Variants in QSER1 observed in about 807,000 individuals in gnomAD.
The protein encoded by QSER1 is glutamine and serine rich 1.
QSER1 carries 49 observed loss-of-function variants against 158.5 expected under a neutral mutation model. The ratio of observed to expected loss-of-function variants is 0.31; its 90% CI spans 0.25 to 0.39. The LOEUF (loss-of-function observed/expected upper bound fraction) is 0.39, where lower values mean the gene tolerates loss of function less well. Among genes scored for constraint, QSER1 ranks in the 10% least tolerant of loss-of-function variants. QSER1 has a pLI of 1.00. For synonymous variants in QSER1, 650 were observed against 715.5 expected (o/e 0.91, Z 1.46); for missense variants, 1,754 against 2,010.3 (o/e 0.87, Z 2.44).
chr11:32,926,156 G>T (rs1485190977), intron 1 of QSER1: 3 of 151,830 alleles, frequency 2.0e-5, no homozygotes, highest in African/African-American at 7.3e-5. Flanking sequence ...AAAGGTCAAG[G>T]GATTTGGGAT....
At chr11:32,952,548 T>C (rs1176509328) in intron 4 of QSER1, among the ~76,000 whole-genome samples, 1 of 152,150 alleles carries the variant, frequency 6.6e-6, no homozygotes, top group Non-Finnish European at 1.5e-5. Flanking sequence ...TACTAAGGGA[T>C]ATTAGTCTAT....
At chr11:32,948,434 G>A (rs377075075) in intron 4 of QSER1, among the ~76,000 whole-genome samples, 14 of 152,212 alleles carry the variant, frequency 9.2e-5, no homozygotes, top group African/African-American at 2.9e-4. Context: ...CTTTTTAGCT[G>A]GGGAAACATA....
chr11:32,917,345 A>G (rs1427109297), intron 1 of QSER1, among the ~76,000 whole-genome samples: 4 of 152,168 alleles, frequency 2.6e-5, no homozygotes, highest in African/African-American at 9.7e-5. Flanking sequence ...TTGTGTGAAC[A>G]TGTTTCCATT....
intron 1 of QSER1, among the ~76,000 whole-genome samples, chr11:32,916,279 A>G (rs1189823877): frequency 6.6e-6 from 1 of 152,314 alleles, no homozygotes; most frequent in East Asian, 1.9e-4. Flanking sequence ...AATTTTTAGA[A>G]TACTCACAAG....
At chr11:32,975,064 G>T (rs1039243047) in intron 11 of QSER1, among the ~76,000 whole-genome samples, 184 bp from the exon 12 acceptor site, 1 of 151,986 alleles carries the variant, frequency 6.6e-6, no homozygotes, top group Non-Finnish European at 1.5e-5. Context: ...TAAAGAATAA[G>T]ATTTTAAAAT....
intron 1 of QSER1, among the ~76,000 whole-genome samples, chr11:32,901,813 G>A (rs1851629236): frequency 1.3e-5 from 2 of 152,234 alleles, no homozygotes; most frequent in Admixed American, 1.3e-4. Flanking sequence ...GCCAGGCGTG[G>A]TGGCTTGTGC....
chr11:32,946,191 C>T (rs964248547), intron 4 of QSER1, among the ~76,000 whole-genome samples: 4 of 151,762 alleles, frequency 2.6e-5, no homozygotes, highest in African/African-American at 9.7e-5. Context: ...AATGTCCTCC[C>T]GTAGCTCAGA....
chr11:32,972,276 G>A lies in QSER1; in HGVS notation c.5206-1121G>A, dbSNP rs554814360. Reference sequence around the variant, plus strand: ...AAATAATAAATGATGGTAGGAGCTCGATTTAATTTTTATAAAGTCATAATC... The same window carrying A: ...AAATAATAAATGATGGTAGGAGCTCAATTTAATTTTTATAAAGTCATAATC... On this transcript the variant is annotated intron_variant, in intron 10 of 12. Coordinates refer to ENST00000650167, the MANE Select transcript of QSER1 (RefSeq NM_001076786.3). Among the ~76,000 whole-genome samples the A allele has an allele frequency of 1.8e-4, 28 of 152,082 alleles. No homozygotes were observed. The South Asian group carries it at 5.6e-3, about 30-fold the overall frequency.
chr11:32,972,890 G>A (rs953220104), intron 10 of QSER1, among the ~76,000 whole-genome samples: 1 of 152,214 alleles, frequency 6.6e-6, no homozygotes, highest in Non-Finnish European at 1.5e-5. Flanking sequence ...GCACTACAGT[G>A]CCGCTTCTCC....
At chr11:32,913,385 A>G (rs4756355) in intron 1 of QSER1, among the ~76,000 whole-genome samples, 35,682 of 151,276 alleles carry the variant, frequency 0.24, 5,303 homozygotes, top group African/African-American at 0.42. Context: ...AGTAGAGACG[A>G]GGTTTCATCG....
At chr11:32,918,344 A>G (rs914987911) in intron 1 of QSER1, among the ~76,000 whole-genome samples, 3 of 152,096 alleles carry the variant, frequency 2.0e-5, no homozygotes, top group African/African-American at 7.2e-5. Context: ...TTATTAATGC[A>G]TGGAGAAAAA....
In QSER1 at chr11:32,935,883, A is replaced by T. The variant is rs912097134; in HGVS notation, c.4177+448A>T. Reference sequence around the variant, plus strand: ...TTTCAGATGAGGCAACAGGGATGTTATAGAGTTAAAATCTGAACCATTAAA... The same window carrying T: ...TTTCAGATGAGGCAACAGGGATGTTTTAGAGTTAAAATCTGAACCATTAAA... On this transcript the variant is annotated intron_variant, in intron 4 of 12. Coordinates refer to ENST00000650167, the MANE Select transcript of QSER1 (RefSeq NM_001076786.3). 9.2e-5 allele frequency among the ~76,000 whole-genome samples: 14 copies of T among 152,370 alleles called. 1 individual carries two copies. The highest frequency in any genetic ancestry group is 3.4e-4 in the African/African-American group (14 of 41,598).
chr11:32,966,197 G>GA (rs1852743439), intron 8 of QSER1, 103 bp from the exon 9 acceptor site: 2 of 1,288,902 alleles, frequency 1.6e-6, no homozygotes, highest in African/African-American at 3.0e-5. Context: ...TGAATTTGAA[G>GA]AAATTGTATC....
chr11:32,948,327 C>T lies in QSER1; in HGVS notation c.4178-5530C>T, dbSNP rs564621612. Among the ~76,000 whole-genome samples, 4 of 152,336 alleles carry T rather than the reference C, an allele frequency of 2.6e-5. No homozygotes were observed. In the South Asian group the frequency reaches 8.3e-4, roughly 32 times the overall value. ...AATTGAGTATTAAATTAAACTCACT[C>T]TTAACCTCTAGAGCAAATCACTAAC... On this transcript the variant is annotated intron_variant, in intron 4 of 12. Coordinates refer to ENST00000650167, the MANE Select transcript of QSER1 (RefSeq NM_001076786.3).
intron 4 of QSER1, among the ~76,000 whole-genome samples, chr11:32,943,512 C>T (rs1432565241): frequency 5.1e-4 from 76 of 150,250 alleles, no homozygotes; most frequent in Non-Finnish European, 7.6e-4. Flanking sequence ...TTGTCTTTGG[C>T]TCTGTTTATA....
chr11:32,935,362 T>G lies in QSER1; in HGVS notation c.4104T>G (p.Ser1368Arg), dbSNP rs541783269. ...CTGATGAAGATGATCCTGGATATAG[T>G]CAAGATGCTTATAAAAGCGTCTCTA... ...FSSDEDDPGYSQDAYKSVSTP... is the reference protein window; with the variant it reads ...FSSDEDDPGYRQDAYKSVSTP... The change falls in exon 4 of 13, where the codon AGT (serine) becomes AGG (arginine). Residue 1368 changes from serine to arginine, a missense_variant. This residue lies in a region of QSER1 where 1,707 missense variants were observed against 1,919.6 expected (regional missense o/e 0.89). Transcript: ENST00000650167. 3.5e-4 allele frequency: 556 copies of G among 1,606,350 alleles called. 9 individuals are homozygous for G. In the South Asian group the frequency reaches 5.9e-3, roughly 17 times the overall value.
chr11:32,923,922 C>G (rs562137511), intron 1 of QSER1, among the ~76,000 whole-genome samples: 5 of 152,062 alleles, frequency 3.3e-5, no homozygotes, highest in Non-Finnish European at 4.4e-5. Context: ...GAACTGAGAT[C>G]GCACCACTGC....
intron 12 of QSER1, chr11:32,975,730 C>T: frequency 2.3e-6 from 2 of 860,568 alleles, no homozygotes; most frequent in South Asian, 5.5e-5. Flanking sequence ...GGCCTTATCC[C>T]ACTTAATTGC....
intron 4 of QSER1, among the ~76,000 whole-genome samples, chr11:32,948,488 G>A (rs1426126864): frequency 1.3e-5 from 2 of 152,142 alleles, no homozygotes; most frequent in African/African-American, 4.8e-5. Context: ...AGTTAGGTGG[G>A]CATGTTGGCA....
Sources: allele counts gnomAD v4.1 joint callset (sites outside exome capture counted in the v4.1 genomes callset), GRCh38; gene constraint gnomAD v4.1.1; regional missense constraint gnomAD v4.1.1; transcripts MANE v1.5; gene names NCBI Gene and HGNC (gene_info 2026-07-23, HGNC 2026-07-21).